ATF7IP2: variants seen among roughly 807,000 people sequenced by gnomAD.
ATF7IP2 encodes activating transcription factor 7-interacting protein 2.
In ATF7IP2, 42 loss-of-function variants were observed where a neutral mutation model predicts 64.2. The ratio of observed to expected loss-of-function variants is 0.65; its 90% CI spans 0.51 to 0.85. The LOEUF is 0.85. Among genes scored for constraint, ATF7IP2 ranks in the 40% least tolerant of loss-of-function variants. The probability of loss-of-function intolerance (pLI) is 0.00; values close to 1 mark genes in which losing one functional copy is unlikely to be tolerated. For missense variants in ATF7IP2, 933 were observed against 784.2 expected (o/e 1.19, Z -2.27); for synonymous variants, 308 against 272.8 (o/e 1.13, Z -1.27).
intron 2 of ATF7IP2, among the ~76,000 whole-genome samples, chr16:10,417,017 C>T (rs867533831): frequency 6.8e-4 from 104 of 152,074 alleles, no homozygotes; most frequent in African/African-American, 2.3e-3. Flanking sequence ...ATCTTATGTA[C>T]GCACAGAAGT....
intron 6 of ATF7IP2, 120 bp from the exon 7 acceptor site, chr16:10,437,981 A>C: frequency 1.4e-6 from 1 of 695,264 alleles, no homozygotes; most frequent in East Asian, 3.4e-5. Context: ...ACAAATATAA[A>C]TAAACTATAT....
chr16:10,398,830 C>G (rs886264683), intron 1 of ATF7IP2, among the ~76,000 whole-genome samples: 4 of 152,042 alleles, frequency 2.6e-5, no homozygotes, highest in Non-Finnish European at 5.9e-5. Flanking sequence ...TTCAAGAGAT[C>G]TGGCCAGATG....
At chr16:10,473,809 T>C in intron 11 of ATF7IP2, 114 bp from the exon 12 acceptor site, 1 of 702,126 alleles carries the variant, frequency 1.4e-6, no homozygotes. Context: ...CCATCTCTAG[T>C]TTCCGAATGG....
At chr16:10,473,750 A>G (rs965470006) in intron 11 of ATF7IP2, among the ~76,000 whole-genome samples, 173 bp from the exon 12 acceptor site, 1 of 152,218 alleles carries the variant, frequency 6.6e-6, no homozygotes, top group African/African-American at 2.4e-5. Flanking sequence ...AGTATTTTAT[A>G]AGAGCTTTTT....
intron 3 of ATF7IP2, among the ~76,000 whole-genome samples, chr16:10,420,716 G>A (rs564504171): frequency 2.0e-5 from 3 of 152,268 alleles, no homozygotes; most frequent in East Asian, 1.9e-4. Flanking sequence ...GTGTGAAATC[G>A]TAACTGAGCA....
chr16:10,454,726 G>T (rs1054060869), intron 8 of ATF7IP2, among the ~76,000 whole-genome samples: 1 of 152,070 alleles, frequency 6.6e-6, no homozygotes, highest in Non-Finnish European at 1.5e-5. Context: ...TCTTCTTAGT[G>T]GTTAGATTAT....
At chr16:10,453,484 G>A (rs1435872033) in intron 8 of ATF7IP2, among the ~76,000 whole-genome samples, 1 of 152,202 alleles carries the variant, frequency 6.6e-6, no homozygotes, top group African/African-American at 2.4e-5. Flanking sequence ...CCTGCCTTCT[G>A]CATCAATCTT....
At chr16:10,446,584 A>T (rs2048812329) in intron 8 of ATF7IP2, 1 of 152,106 alleles carries the variant, frequency 6.6e-6, no homozygotes, top group South Asian at 2.1e-4. Flanking sequence ...TCCTCATATG[A>T]CCCAAACTTT....
At chr16:10,459,256 C>T (rs2049289435) in intron 9 of ATF7IP2, among the ~76,000 whole-genome samples, 1 of 152,042 alleles carries the variant, frequency 6.6e-6, no homozygotes, top group Non-Finnish European at 1.5e-5. Flanking sequence ...ATCACGAGGT[C>T]AGGAGATGAA....
intron 10 of ATF7IP2, among the ~76,000 whole-genome samples, chr16:10,472,671 C>T (rs1047886158): frequency 6.6e-6 from 1 of 151,998 alleles, no homozygotes; most frequent in Non-Finnish European, 1.5e-5. Flanking sequence ...GCCTGGCCAA[C>T]AAAATGAAAC....
intron 7 of ATF7IP2, 90 bp downstream of exon 7, chr16:10,438,325 G>C: frequency 7.5e-7 from 1 of 1,329,422 alleles, no homozygotes; most frequent in Non-Finnish European, 1.0e-6. Flanking sequence ...GCTCACTGCA[G>C]CCTCTGCCTT....
At chr16:10,387,430 C>G (rs2047223983) in intron 1 of ATF7IP2, 1 of 152,248 alleles carries the variant, frequency 6.6e-6, no homozygotes. Flanking sequence ...TCTGCCTCAA[C>G]AGAAATACAT....
At chr16:10,403,260 C>G (rs934357562) in intron 1 of ATF7IP2, among the ~76,000 whole-genome samples, 1 of 152,112 alleles carries the variant, frequency 6.6e-6, no homozygotes, top group Non-Finnish European at 1.5e-5. Context: ...GGTGAGTTCT[C>G]ATGACTTCAT....
At chr16:10,456,234 TAGCAGAA>T (rs1183556855) in intron 8 of ATF7IP2, among the ~76,000 whole-genome samples, 3 of 152,196 alleles carry the variant, frequency 2.0e-5, no homozygotes, top group African/African-American at 7.2e-5. Context: ...ACAAACTGTT[TAGCAGAA>T]AGGAACCAGG....
intron 13 of ATF7IP2, among the ~76,000 whole-genome samples, chr16:10,481,392 G>C (rs978940431): frequency 6.6e-6 from 1 of 150,724 alleles, no homozygotes; most frequent in East Asian, 2.0e-4. Context: ...GGGATTTCCC[G>C]AGTAGCTGGG....
chr16:10,454,291 T>G, intron 8 of ATF7IP2: 1 of 151,190 alleles, frequency 6.6e-6, no homozygotes, highest in Admixed American at 6.6e-5. Context: ...GTGCCTGTAA[T>G]CCCAGCTACT....
At chr16:10,435,010 C>T (rs1206148871) in intron 6 of ATF7IP2, among the ~76,000 whole-genome samples, 4 of 152,270 alleles carry the variant, frequency 2.6e-5, no homozygotes, top group Non-Finnish European at 2.9e-5. Context: ...TTCAGTGATC[C>T]GCCCGCCTCG....
At chr16:10,397,815 C>T in intron 1 of ATF7IP2, among the ~76,000 whole-genome samples, 1 of 151,058 alleles carries the variant, frequency 6.6e-6, no homozygotes, top group East Asian at 1.9e-4. Flanking sequence ...TGAAATCGTG[C>T]CACTGCCCTG....
At chr16:10,414,651 G>A (rs866594973) in intron 2 of ATF7IP2, 39 bp downstream of exon 2, 1 of 81,792 alleles carries the variant, frequency 1.2e-5, no homozygotes, top group African/African-American at 7.2e-5. Context: ...GTGTGTGTGT[G>A]TGTGTGTGTG....
Sources: gnomAD v4.1 joint callset for allele counts (sites outside exome capture counted in the v4.1 genomes callset) on GRCh38, gnomAD v4.1.1 for gene constraint, MANE v1.5 for transcripts, NCBI Gene and HGNC (gene_info 2026-07-23, HGNC 2026-07-21) for gene names.